Variants in ZNF385D observed in about 807,000 individuals in gnomAD.
ZNF385D encodes zinc finger protein 659.
ZNF385D carries 15 observed loss-of-function variants against 35.8 expected under a neutral mutation model. The ratio of observed to expected loss-of-function variants is 0.42; its 90% confidence interval spans 0.28 to 0.64. The LOEUF (loss-of-function observed/expected upper bound fraction) is 0.64. ZNF385D is among the 30% of genes least tolerant of loss of function. ZNF385D has a pLI of 0.23. For synonymous variants in ZNF385D, 212 were observed against 186.8 expected (o/e 1.13, Z -1.10); for missense variants, 474 against 494.6 (o/e 0.96, Z 0.39).
At chr3:21,428,708 T>C (rs976611441) in intron 5 of ZNF385D, among the ~76,000 whole-genome samples, 1 of 152,076 alleles carries the variant, frequency 6.6e-6, no homozygotes. Flanking sequence ...AGGCTGTCCC[T>C]TCTTTTGTGA....
chr3:21,714,322 T>C (rs2068229702), intron 1 of ZNF385D, among the ~76,000 whole-genome samples: 1 of 152,204 alleles, frequency 6.6e-6, no homozygotes, highest in Non-Finnish European at 1.5e-5. Context: ...AAGTCTTTTA[T>C]GTTTCAGTTT....
At chr3:21,597,155 T>A (rs1355891300) in intron 2 of ZNF385D, among the ~76,000 whole-genome samples, 1 of 152,186 alleles carries the variant, frequency 6.6e-6, no homozygotes, top group African/African-American at 2.4e-5. Flanking sequence ...TGTTTTAATA[T>A]AAGGTTTAAT....
At chr3:21,677,813 T>C (rs1014271310) in intron 1 of ZNF385D, among the ~76,000 whole-genome samples, 3 of 152,140 alleles carry the variant, frequency 2.0e-5, no homozygotes, top group East Asian at 1.9e-4. Flanking sequence ...TAATTTAGTT[T>C]TTTAGTTGTG....
intron 3 of ZNF385D, among the ~76,000 whole-genome samples, chr3:22,040,722 A>G (rs1306269159): frequency 6.6e-6 from 1 of 152,160 alleles, no homozygotes; most frequent in African/African-American, 2.4e-5. Context: ...AGAAAAGACT[A>G]TCTTATTCAA....
intron 1 of ZNF385D, among the ~76,000 whole-genome samples, chr3:21,669,218 G>A (rs1463043447): frequency 6.6e-6 from 1 of 152,128 alleles, no homozygotes; most frequent in African/African-American, 2.4e-5. Flanking sequence ...TGACATTAAA[G>A]TCAACAAATG....
At chr3:21,795,527 G>A (rs550343841) in intron 3 of ZNF385D, among the ~76,000 whole-genome samples, 1 of 152,314 alleles carries the variant, frequency 6.6e-6, no homozygotes, top group South Asian at 2.1e-4. Context: ...CACCCGGGGA[G>A]AAAACAAGCT....
At chr3:21,454,766 G>A (rs1443422002) in intron 4 of ZNF385D, among the ~76,000 whole-genome samples, 1 of 152,128 alleles carries the variant, frequency 6.6e-6, no homozygotes, top group African/African-American at 2.4e-5. Context: ...AAGAAATAAA[G>A]GGTATTCAAT....
chr3:21,694,042 C>CTTTTT lies in ZNF385D; in HGVS notation c.23-29019_23-29015dup, dbSNP rs35586361. On this transcript the variant is annotated intron_variant, in intron 1 of 7. Coordinates refer to ENST00000281523, the MANE Select transcript of ZNF385D (RefSeq NM_024697.3). Reference sequence around the variant, plus strand: ...TACAGGCGCGTGCCACTACGCCTGGCTTTTTTTTTTTTTTTTTTTGAGACA... The same window carrying CTTTTT: ...TACAGGCGCGTGCCACTACGCCTGGCTTTTTTTTTTTTTTTTTTTTTTTTGAGACA... Among the ~76,000 whole-genome samples, 30 of 22,164 alleles carry CTTTTT rather than the reference C, an allele frequency of 1.4e-3. 4 individuals carry two copies. Among genetic ancestry groups the CTTTTT allele is most frequent in the African/African-American group, 2.1e-3 (10 of 4,756 alleles). The allele number at this position is 22,164 out of a possible 152,430, so 14.5% of individuals were successfully genotyped here.
chr3:22,357,043 A>C lies in ZNF385D; in HGVS notation c.106+15407T>G, dbSNP rs1338421814. Among the ~76,000 whole-genome samples, 4 of 152,084 alleles carry C rather than the reference A, an allele frequency of 2.6e-5. No individual in the cohort carries two copies. In the South Asian group the frequency reaches 8.3e-4, roughly 31 times the overall value. On this transcript the variant is annotated intron_variant, in intron 2 of 5. Coordinates refer to the ZNF385D transcript ENST00000494108. ...CATATTAATTATATGAAAAAGTGCA[A>C]GAATAAGCATTAGCACATAAAAAGA...
intron 3 of ZNF385D, among the ~76,000 whole-genome samples, chr3:21,862,957 GA>G (rs1364090573): frequency 6.6e-6 from 1 of 152,088 alleles, no homozygotes; most frequent in Non-Finnish European, 1.5e-5. Context: ...GATTTAGTCT[GA>G]AAAGTCCACT....
intron 3 of ZNF385D, among the ~76,000 whole-genome samples, chr3:22,137,748 G>C (rs1254002614): frequency 6.6e-6 from 1 of 152,084 alleles, no homozygotes; most frequent in Non-Finnish European, 1.5e-5. Context: ...CATTCCCTTT[G>C]AAAACTGGCA....
chr3:22,131,720 C>T (rs1237445424), intron 3 of ZNF385D, among the ~76,000 whole-genome samples: 1 of 152,132 alleles, frequency 6.6e-6, no homozygotes, highest in Admixed American at 6.6e-5. Context: ...GGAGATATCA[C>T]AGAGGGAGTT....
intron 3 of ZNF385D, among the ~76,000 whole-genome samples, chr3:21,882,144 T>G (rs948060804): frequency 1.3e-5 from 2 of 152,068 alleles, no homozygotes; most frequent in African/African-American, 4.8e-5. Flanking sequence ...GAGGACTGAC[T>G]GCAATTTTGA....
intron 3 of ZNF385D, among the ~76,000 whole-genome samples, chr3:21,759,920 G>A (rs2070526011): frequency 6.6e-6 from 1 of 152,148 alleles, no homozygotes; most frequent in Non-Finnish European, 1.5e-5. Context: ...GTGCAACTGA[G>A]CCCCAATGTT....
rs142041067 is a variant in ZNF385D, at chr3:21,602,118, C to T, written c.166-37434G>A. ...GTCTTAATGGCTGCAGGCAAGAGAG[C>T]GTGTGCAGGGGAATTCCCATTTATA... On this transcript the variant is annotated intron_variant, in intron 2 of 7. Coordinates refer to ENST00000281523, the MANE Select transcript of ZNF385D (RefSeq NM_024697.3). 2.8e-4 allele frequency among the ~76,000 whole-genome samples: 42 copies of T among 152,206 alleles called. No individual in the cohort carries two copies. The East Asian group carries it at 7.1e-3, about 26-fold the overall frequency.
chr3:21,911,374 G>A (rs569767241), intron 3 of ZNF385D, among the ~76,000 whole-genome samples: 4 of 152,034 alleles, frequency 2.6e-5, no homozygotes, highest in Admixed American at 2.6e-4. Flanking sequence ...CAGGTTTTAT[G>A]GTGACAATAT....
At chr3:22,015,041 ATTTC>A (rs1441067586) in intron 3 of ZNF385D, among the ~76,000 whole-genome samples, 2 of 152,038 alleles carry the variant, frequency 1.3e-5, no homozygotes, top group Non-Finnish European at 2.9e-5. Flanking sequence ...TCACTGTGTA[ATTTC>A]TTTTTTTTTA....
At position 22,215,986 on chromosome 3, in the gene ZNF385D, C is replaced by T. The variant is rs573705235; in HGVS notation, c.107-46951G>A. On this transcript the variant is annotated intron_variant, in intron 2 of 5. Transcript: ENST00000494108. ...TTTCGTCCAACATCTGGCTGAATTTCCCCCAATAGCTATGGAATTGCTCCC... is the reference window on the plus strand; with the variant it reads ...TTTCGTCCAACATCTGGCTGAATTTTCCCCAATAGCTATGGAATTGCTCCC... 2.0e-5 allele frequency among the ~76,000 whole-genome samples: 3 copies of T among 152,046 alleles called. No homozygotes were observed. The East Asian group carries it at 5.8e-4, about 30-fold the overall frequency.
chr3:22,311,586 A>G (rs1703552767), intron 2 of ZNF385D, among the ~76,000 whole-genome samples: 1 of 152,128 alleles, frequency 6.6e-6, no homozygotes, highest in Admixed American at 6.6e-5. Context: ...AGGAAAAAAT[A>G]TTTCTAAACG....
Sources: gnomAD v4.1 joint callset for allele counts (sites outside exome capture counted in the v4.1 genomes callset) on GRCh38, gnomAD v4.1.1 for gene constraint, MANE v1.5 for transcripts, NCBI Gene and HGNC (gene_info 2026-07-23, HGNC 2026-07-21) for gene names.